The following FHIT variants were observed in gnomAD, a reference collection of about 807,000 sequenced individuals.
FHIT encodes fragile histidine triad diadenosine triphosphatase.
In FHIT, 19 loss-of-function variants were observed where a neutral mutation model predicts 17.9. The observed-to-expected ratio is 1.06, with a 90% CI of 0.74 to 1.56. The LOEUF is 1.56. Ranked by LOEUF, FHIT falls within the 40% of genes most tolerant of loss-of-function variation. FHIT has a pLI of 0.00. For synonymous variants in FHIT, 81 were observed against 69.7 expected, an observed-to-expected ratio of 1.16 and a Z score of -0.81; for missense variants, 248 against 189.2, an observed-to-expected ratio of 1.31 and a Z score of -1.82.
intron 3 of FHIT, among the ~76,000 whole-genome samples, chr3:60,833,460 GTT>G (rs1390419841): frequency 6.6e-6 from 1 of 152,060 alleles, no homozygotes; most frequent in Non-Finnish European, 1.5e-5. Flanking sequence ...AGATTTTACC[GTT>G]TCTCTCCCCT....
intron 1 of FHIT, among the ~76,000 whole-genome samples, chr3:61,223,300 G>A (rs2039887167): frequency 6.6e-6 from 1 of 152,136 alleles, no homozygotes; most frequent in African/African-American, 2.4e-5. Flanking sequence ...GTGTTTTCAA[G>A]GACTGACCAT....
At chr3:60,585,393 T>C (rs1044819140) in intron 4 of FHIT, among the ~76,000 whole-genome samples, 1 of 152,038 alleles carries the variant, frequency 6.6e-6, no homozygotes. Context: ...CTCTTTACAT[T>C]GTAAAGCTGT....
intron 5 of FHIT, among the ~76,000 whole-genome samples, chr3:60,352,495 TTTC>T (rs1365010634): frequency 6.6e-6 from 1 of 152,090 alleles, no homozygotes; most frequent in Non-Finnish European, 1.5e-5. Context: ...TCTAAAAGCA[TTTC>T]TTTTTTAAAA....
rs373880313 is a variant in FHIT, at chr3:60,048,472, G to A, written c.104-34320C>T. 2.3e-4 allele frequency among the ~76,000 whole-genome samples: 35 copies of A among 152,214 alleles called. 1 individual carries two copies. In the South Asian group the frequency reaches 5.6e-3, roughly 24 times the overall value. ...ATTACAGGCGTGAGTCTCTACGACC[G>A]GCCTTAAGTTCTCTTTTCAAAGGCC... On this transcript the variant is annotated intron_variant, in intron 5 of 9. Coordinates refer to ENST00000492590, the MANE Select transcript of FHIT (RefSeq NM_002012.4).
At chr3:59,758,985 A>G (rs1330215394) in intron 8 of FHIT, among the ~76,000 whole-genome samples, 1 of 151,972 alleles carries the variant, frequency 6.6e-6, no homozygotes, top group East Asian at 1.9e-4. Context: ...TGTTATAAGA[A>G]CTCCGTCAAA....
chr3:61,216,462 T>G (rs1252244585), intron 1 of FHIT, among the ~76,000 whole-genome samples: 1 of 152,154 alleles, frequency 6.6e-6, no homozygotes, highest in Non-Finnish European at 1.5e-5. Flanking sequence ...TTACACCAGT[T>G]AGAATGGCAA....
chr3:60,603,109 A>G (rs1553669438), intron 4 of FHIT, among the ~76,000 whole-genome samples: 1 of 152,210 alleles, frequency 6.6e-6, no homozygotes, highest in African/African-American at 2.4e-5. Flanking sequence ...GTAGCTGGAA[A>G]GAAATTAGAA....
chr3:60,199,700 G>A (rs548794557), intron 5 of FHIT, among the ~76,000 whole-genome samples: 1 of 152,052 alleles, frequency 6.6e-6, no homozygotes, highest in Non-Finnish European at 1.5e-5. Context: ...TAAATTTCCA[G>A]AACATTCAAG....
chr3:60,769,651 G>A (rs1262636194), intron 4 of FHIT, among the ~76,000 whole-genome samples: 2 of 152,192 alleles, frequency 1.3e-5, no homozygotes, highest in Non-Finnish European at 2.9e-5. Context: ...CAGAAGTCGG[G>A]TATAGAAACA....
intron 3 of FHIT, among the ~76,000 whole-genome samples, chr3:60,862,610 G>A (rs1302342660): frequency 6.6e-6 from 1 of 152,240 alleles, no homozygotes; most frequent in East Asian, 1.9e-4. Context: ...AGCACTTTGG[G>A]AGGCTGAGGC....
intron 8 of FHIT, among the ~76,000 whole-genome samples, chr3:59,838,638 G>T (rs1439370946): frequency 6.6e-6 from 1 of 152,164 alleles, no homozygotes; most frequent in Admixed American, 6.6e-5. Flanking sequence ...TCATATGCCA[G>T]CTCCAAAATG....
intron 8 of FHIT, among the ~76,000 whole-genome samples, chr3:59,817,857 G>GT (rs1700656560): frequency 6.6e-6 from 1 of 152,128 alleles, no homozygotes; most frequent in Non-Finnish European, 1.5e-5. Flanking sequence ...CACTTTCAGA[G>GT]ATCCACTAGC....
At chr3:60,810,499 G>A (rs1464069664) in intron 4 of FHIT, among the ~76,000 whole-genome samples, 3 of 152,078 alleles carry the variant, frequency 2.0e-5, no homozygotes, top group Non-Finnish European at 4.4e-5. Context: ...CATGGTAATC[G>A]GCAAGCTGAC....
chr3:60,067,529 A>T (rs1702569499), intron 5 of FHIT, among the ~76,000 whole-genome samples: 1 of 152,200 alleles, frequency 6.6e-6, no homozygotes, highest in African/African-American at 2.4e-5. Flanking sequence ...GTACAATGCA[A>T]AGGGCTTGCT....
intron 4 of FHIT, among the ~76,000 whole-genome samples, chr3:60,561,500 C>G (rs893663438): frequency 1.3e-5 from 2 of 151,324 alleles, no homozygotes; most frequent in Non-Finnish European, 2.9e-5. Context: ...AAAAAAAACA[C>G]CTCAATCAAG....
chr3:60,772,345 T>C (rs1433891337), intron 4 of FHIT, among the ~76,000 whole-genome samples: 1 of 110,752 alleles, frequency 9.0e-6, no homozygotes, highest in East Asian at 3.2e-4. Flanking sequence ...TATATATATA[T>C]ATATATATAT....
intron 8 of FHIT, among the ~76,000 whole-genome samples, chr3:59,865,498 T>G (rs1245456599): frequency 6.6e-6 from 1 of 152,244 alleles, no homozygotes; most frequent in East Asian, 1.9e-4. Context: ...AGCCTTTATG[T>G]CAGATTACAG....
At position 61,223,964 on chromosome 3, in the gene FHIT, A is replaced by T. The variant is rs372537514; in HGVS notation, c.-212-23299T>A. Among the ~76,000 whole-genome samples, 8 of 152,298 alleles carry T rather than the reference A, an allele frequency of 5.3e-5. No homozygotes were observed. The East Asian group carries it at 1.3e-3, about 26-fold the overall frequency. On this transcript the variant is annotated intron_variant, in intron 1 of 9. Transcript: ENST00000492590. Reference sequence around the variant, plus strand: ...GTCAGAGAGCAGATCTCCCAGCAAGACTTCCCATTGCTCCTCTATGGGTTA... The same window carrying T: ...GTCAGAGAGCAGATCTCCCAGCAAGTCTTCCCATTGCTCCTCTATGGGTTA...
intron 5 of FHIT, among the ~76,000 whole-genome samples, chr3:60,529,054 C>T (rs1387840051): frequency 6.6e-6 from 1 of 152,178 alleles, no homozygotes; most frequent in East Asian, 1.9e-4. Flanking sequence ...GTAGAAATCT[C>T]ACAAAGATAG....
Sources: allele counts gnomAD v4.1 joint callset (sites outside exome capture counted in the v4.1 genomes callset), GRCh38; gene constraint gnomAD v4.1.1; transcripts MANE v1.5; gene names NCBI Gene and HGNC (gene_info 2026-07-23, HGNC 2026-07-21).